Variants in MGST1 observed in about 807,000 individuals in gnomAD.
The protein encoded by MGST1 is glutathione S-transferase 12.
A neutral mutation model predicts 8.9 loss-of-function variants in MGST1; 5 were observed. The ratio of observed to expected loss-of-function variants is 0.56; its 90% CI spans 0.29 to 1.19. The LOEUF is 1.19. Ranked by LOEUF, MGST1 falls within the 50% of genes most tolerant of loss-of-function variation. MGST1 has a pLI of 0.08. For synonymous variants in MGST1, 54 were observed against 67.8 expected (o/e 0.80, Z 1.00); for missense variants, 182 against 187.4 (o/e 0.97, Z 0.17).
At chr12:16,498,803 C>A (rs1941486460) in intron 4 of MGST1, among the ~76,000 whole-genome samples, 2 of 152,100 alleles carry the variant, frequency 1.3e-5, no homozygotes, top group Admixed American at 1.3e-4. Context: ...AAGAAACAAG[C>A]CAAAATCTCT....
chr12:16,466,585 C>T (rs1020488825), intron 4 of MGST1, among the ~76,000 whole-genome samples: 9 of 151,974 alleles, frequency 5.9e-5, no homozygotes, highest in African/African-American at 1.5e-4. Context: ...TAAATATGAG[C>T]CACTTGAATA....
chr12:16,376,134 C>A, exon 4 of MGST1: 1 of 1,309,388 alleles, frequency 7.6e-7, no homozygotes, highest in East Asian at 2.6e-5. Context: ...TCAAACAAAC[C>A]CTGAGCATTT....
In MGST1 at chr12:16,586,572, CAA is replaced by C. The variant is rs1943328191; in HGVS notation, n.483-2954_483-2953del. Among the ~76,000 whole-genome samples, 1 of 152,158 alleles carries C rather than the reference CAA, an allele frequency of 6.6e-6. No individual in the cohort carries two copies. Among genetic ancestry groups the C allele is most frequent in the African/African-American group, 2.4e-5 (1 of 41,434 alleles). On this transcript the variant is annotated intron_variant and non_coding_transcript_variant, in intron 4 of 4. Transcript: ENST00000538857. This position sits in a 1 kb window ranked among gnomAD's most constrained non-coding sequence, Gnocchi z 4.3. The stretch of plus-strand genomic sequence containing the variant: ...CCAACTGAATTCTGGAGGACATATG[CAA>C]AGACACTGCATTTCATCTTTGGACG...
In MGST1 at chr12:16,587,241, G is replaced by T. The variant is rs1430277122; in HGVS notation, n.483-2287G>T. Reference sequence around the variant, plus strand: ...AAAGTGATTCAGATTAAACAGCTCTGACTATCCATTTTAAGAAAATCACTG... The same window carrying T: ...AAAGTGATTCAGATTAAACAGCTCTTACTATCCATTTTAAGAAAATCACTG... On this transcript the variant is annotated intron_variant and non_coding_transcript_variant, in intron 4 of 4. Transcript: ENST00000538857. This position sits in a 1 kb window ranked among gnomAD's most constrained non-coding sequence, Gnocchi z 4.3. Among the ~76,000 whole-genome samples the T allele has an allele frequency of 2.6e-5, 4 of 152,162 alleles. No individual in the cohort carries two copies. The highest frequency in any genetic ancestry group is 4.8e-5 in the African/African-American group (2 of 41,440).
intron 4 of MGST1, among the ~76,000 whole-genome samples, chr12:16,545,100 T>A (rs1941815585): frequency 6.6e-6 from 1 of 152,078 alleles, no homozygotes; most frequent in Non-Finnish European, 1.5e-5. Flanking sequence ...AGAATTTTTG[T>A]CTGTTTTTAA....
downstream of MGST1, among the ~76,000 whole-genome samples, chr12:16,440,057 T>C (rs897959204): frequency 1.2e-4 from 18 of 151,822 alleles, no homozygotes; most frequent in African/African-American, 4.3e-4. Context: ...ATGTTCTAAC[T>C]TTCCTGGTTA....
At chr12:16,450,372 G>A (rs1247669664) in intron 4 of MGST1, among the ~76,000 whole-genome samples, 2 of 151,858 alleles carry the variant, frequency 1.3e-5, no homozygotes, top group Non-Finnish European at 1.5e-5. Context: ...GGAAGACAAA[G>A]GGCTGCTGAA....
rs1940755717 is a variant in MGST1, at chr12:16,413,023, G to A, written n.779-24365G>A. On this transcript the variant is annotated intron_variant and non_coding_transcript_variant, in intron 1 of 1. Coordinates refer to the MGST1 transcript ENST00000359720. The surrounding 1 kb of genome is among the most constrained non-coding windows in gnomAD (Gnocchi z 4.0). ...GTCATAATAATAAGCCAGAAAGAGA[G>A]TAGGGAACTCCTCAGTCCACCCCAC... is the stretch of plus-strand genomic sequence containing the variant. Among the ~76,000 whole-genome samples the A allele has an allele frequency of 6.6e-6, 1 of 152,150 alleles. No individual in the cohort carries two copies. Among genetic ancestry groups the A allele is most frequent in the Non-Finnish European group, 1.5e-5 (1 of 68,018 alleles).
chr12:16,454,179 C>T (rs749029296), intron 4 of MGST1, among the ~76,000 whole-genome samples: 2 of 151,828 alleles, frequency 1.3e-5, no homozygotes, highest in African/African-American at 2.4e-5. Context: ...AAACACAATA[C>T]GCTTCCCACC....
At chr12:16,417,844 A>C (rs1940800065) in intron 1 of MGST1, among the ~76,000 whole-genome samples, 2 of 152,178 alleles carry the variant, frequency 1.3e-5, no homozygotes, top group Admixed American at 1.3e-4. Flanking sequence ...ACAACTACTA[A>C]AACATCAAAA....
intron 4 of MGST1, among the ~76,000 whole-genome samples, chr12:16,543,773 TCAAA>T (rs1420156531): frequency 6.6e-6 from 1 of 152,244 alleles, no homozygotes; most frequent in South Asian, 2.1e-4. Flanking sequence ...GTTCACAGTC[TCAAA>T]CAGTTTCAAT....
At chr12:16,432,626 A>G (rs541331192) in intron 1 of MGST1, among the ~76,000 whole-genome samples, 8 of 148,244 alleles carry the variant, frequency 5.4e-5, no homozygotes, top group African/African-American at 2.0e-4. Context: ...TCTTGCTTTT[A>G]TTGTCACACC....
intron 1 of MGST1, among the ~76,000 whole-genome samples, chr12:16,386,539 G>A (rs1940505602): frequency 2.0e-5 from 3 of 152,152 alleles, no homozygotes; most frequent in Admixed American, 6.5e-5. Context: ...TACTGAGACC[G>A]AAGCTTCTAA....
intron 1 of MGST1, among the ~76,000 whole-genome samples, chr12:16,408,909 A>T (rs1940718012): frequency 6.6e-6 from 1 of 152,042 alleles, no homozygotes; most frequent in African/African-American, 2.4e-5. Context: ...CTACTGTAAA[A>T]CCCATATATT....
chr12:16,578,815 C>A (rs1055318705), intron 4 of MGST1, among the ~76,000 whole-genome samples: 3 of 135,702 alleles, frequency 2.2e-5, no homozygotes, highest in Non-Finnish European at 4.7e-5. Flanking sequence ...GAGATTCTGT[C>A]TCAAACAACA....
chr12:16,402,289 C>G, intron 1 of MGST1: 1 of 1,591,718 alleles, frequency 6.3e-7, no homozygotes, highest in African/African-American at 1.3e-5. Flanking sequence ...TTGGAATAAA[C>G]AATTTCTTCA....
intron 4 of MGST1, among the ~76,000 whole-genome samples, chr12:16,510,582 T>C (rs1033882802): frequency 6.6e-6 from 1 of 152,210 alleles, no homozygotes. Flanking sequence ...CATTTTGAAT[T>C]TGTATTTTTA....
chr12:16,393,155 C>T (rs935303458), intron 1 of MGST1, among the ~76,000 whole-genome samples: 1 of 152,172 alleles, frequency 6.6e-6, no homozygotes, highest in Non-Finnish European at 1.5e-5. Flanking sequence ...AAACACATTG[C>T]CAGAGCCCCT....
At chr12:16,463,918 G>A (rs1941237779) in intron 4 of MGST1, among the ~76,000 whole-genome samples, 1 of 152,162 alleles carries the variant, frequency 6.6e-6, no homozygotes, top group Admixed American at 6.5e-5. Flanking sequence ...TCTTCTCTGT[G>A]ATGATAGGAA....
Sources: allele counts gnomAD v4.1 joint callset (sites outside exome capture counted in the v4.1 genomes callset), GRCh38; gene constraint gnomAD v4.1.1; non-coding constraint Gnocchi (gnomAD v3.1); transcripts MANE v1.5; gene names NCBI Gene and HGNC (gene_info 2026-07-23, HGNC 2026-07-21).